Variants in GOLM2 observed in about 807,000 individuals in gnomAD.
The protein encoded by GOLM2 is protein GOLM2.
Under a neutral mutation model 55.9 loss-of-function variants are expected in GOLM2, and 26 were observed. That is an observed-to-expected ratio of 0.47 (90% confidence interval 0.34 to 0.65). GOLM2 has a LOEUF of 0.65. GOLM2 is among the 30% of genes least tolerant of loss of function. The pLI, the probability that GOLM2 is intolerant of heterozygous loss-of-function variation, is 0.01. For synonymous variants in GOLM2, 165 were observed against 194.6 expected (o/e 0.85, Z 1.27); for missense variants, 486 against 531.8 (o/e 0.91, Z 0.85).
At chr15:44,371,843 A>G (rs183811796) in intron 6 of GOLM2, among the ~76,000 whole-genome samples, 6 of 152,308 alleles carry the variant, frequency 3.9e-5, no homozygotes, top group African/African-American at 1.2e-4. Flanking sequence ...GATTTTCTCA[A>G]TCTAAATCTT....
chr15:44,303,100 C>CTCAA (rs1057112975), intron 1 of GOLM2, among the ~76,000 whole-genome samples: 18 of 134,278 alleles, frequency 1.3e-4, no homozygotes, highest in African/African-American at 4.7e-4. Context: ...AATACTCCAT[C>CTCAA]TCAATAAATA....
intron 6 of GOLM2, among the ~76,000 whole-genome samples, chr15:44,372,072 A>C (rs2079332457): frequency 6.6e-6 from 1 of 152,230 alleles, no homozygotes; most frequent in Non-Finnish European, 1.5e-5. Flanking sequence ...AAAGTCATGC[A>C]GTTAATAAAT....
rs370370162 is a variant in GOLM2 at position 44,327,020 on chromosome 15, G to A, written c.383-1665G>A. ...CTAGAGTGCACAGTGGCGTAATCTC[G>A]GCTCACTGTAAGCTCCACCTTCTGA... On this transcript the variant is annotated intron_variant, in intron 2 of 9. Transcript: ENST00000299957. Among the ~76,000 whole-genome samples the A allele has an allele frequency of 4.7e-5, 7 of 148,646 alleles. 1 individual carries two copies. The Admixed American group carries it at 4.7e-4, about 10-fold the overall frequency.
chr15:44,290,280 T>C (rs1251981651), intron 1 of GOLM2, among the ~76,000 whole-genome samples: 1 of 152,368 alleles, frequency 6.6e-6, no homozygotes, highest in African/African-American at 2.4e-5. Context: ...AGTAGAGTTA[T>C]GAAAATTTCT....
At chr15:44,407,909 G>A (rs905141447) in intron 9 of GOLM2, among the ~76,000 whole-genome samples, 1 of 150,854 alleles carries the variant, frequency 6.6e-6, no homozygotes, top group South Asian at 2.1e-4. Context: ...CCACCATCAC[G>A]TCCAGCTGAT....
At chr15:44,388,701 A>G (rs2079465871) in intron 8 of GOLM2, among the ~76,000 whole-genome samples, 1 of 152,178 alleles carries the variant, frequency 6.6e-6, no homozygotes, top group African/African-American at 2.4e-5. Flanking sequence ...AGGGAGAGAG[A>G]CAGGGTCTTG....
At chr15:44,401,320 A>C (rs2079564052) in intron 8 of GOLM2, among the ~76,000 whole-genome samples, 1 of 151,922 alleles carries the variant, frequency 6.6e-6, no homozygotes, top group African/African-American at 2.4e-5. Flanking sequence ...GCTGAAGTAC[A>C]GTGGCAATAT....
At chr15:44,334,785 A>G (rs1254231800) in intron 4 of GOLM2, among the ~76,000 whole-genome samples, 1 of 152,202 alleles carries the variant, frequency 6.6e-6, no homozygotes, top group Non-Finnish European at 1.5e-5. Context: ...TAATCCCACC[A>G]TTTTGGGAGG....
intron 1 of GOLM2, among the ~76,000 whole-genome samples, chr15:44,297,280 C>G (rs895507100): frequency 6.6e-6 from 1 of 152,212 alleles, no homozygotes; most frequent in African/African-American, 2.4e-5. Context: ...GCCTGAACTT[C>G]CTCAAACCTT....
chr15:44,288,759 G>A lies in GOLM2; in HGVS notation c.-271G>A, dbSNP rs921970974. 6.2e-6 allele frequency: 3 copies of A among 485,160 alleles called. No individual in the cohort carries two copies. The highest frequency in any genetic ancestry group is 1.1e-5 in the Non-Finnish European group (3 of 274,996). The allele number at this position is 485,160 out of a possible 1,614,324, so 30.1% of individuals were successfully genotyped here. ...TGAGGTGTTGGGTTTGGGGGACGCT[G>A]GCAGCTGGGTTCTCCCGGTTCCCTT... On this transcript the variant is annotated 5_prime_UTR_variant, in exon 1 of 10. Coordinates refer to ENST00000299957, the MANE Select transcript of GOLM2 (RefSeq NM_138423.4).
intron 9 of GOLM2, chr15:44,405,471 G>A (rs2079591330): frequency 1.3e-5 from 2 of 152,144 alleles, no homozygotes; most frequent in African/African-American, 4.8e-5. Flanking sequence ...GGATAAGTTT[G>A]GGTGAACTGA....
intron 6 of GOLM2, among the ~76,000 whole-genome samples, chr15:44,351,340 GCC>G (rs1175041097): frequency 6.6e-6 from 1 of 152,038 alleles, no homozygotes; most frequent in Non-Finnish European, 1.5e-5. Context: ...ACTTTGGGAG[GCC>G]GAGTTGGGTG....
intron 8 of GOLM2, among the ~76,000 whole-genome samples, chr15:44,400,411 C>T (rs1401162125): frequency 2.0e-5 from 3 of 151,264 alleles, no homozygotes; most frequent in Non-Finnish European, 4.4e-5. Flanking sequence ...CTCCGCCTCC[C>T]GGGTTCCAGT....
chr15:44,344,114 G>A (rs908190731), intron 6 of GOLM2, among the ~76,000 whole-genome samples: 1 of 151,576 alleles, frequency 6.6e-6, no homozygotes, highest in Non-Finnish European at 1.5e-5. Flanking sequence ...AGAAAAATTA[G>A]CCAGTCATGG....
chr15:44,289,426 A>G lies in GOLM2; in HGVS notation c.327+70A>G, dbSNP rs1040027337. On this transcript the variant is annotated intron_variant, in intron 1 of 9. Transcript: ENST00000299957. The surrounding 1 kb of genome is among the most constrained non-coding windows in gnomAD (Gnocchi z 4.8). The stretch of plus-strand genomic sequence containing the variant: ...CCCCGGGGTCTGGGGCGGGATGTTA[A>G]TCCGCTAGCTGTTGTCTTATGCCTT... The G allele has an allele frequency of 6.5e-6, 9 of 1,375,674 alleles. No individual in the cohort carries two copies. The highest frequency in any genetic ancestry group is 8.9e-6 in the Non-Finnish European group (9 of 1,009,910). 85.2% of individuals were successfully genotyped at this position (1,375,674 alleles called of 1,614,324 possible).
intron 6 of GOLM2, among the ~76,000 whole-genome samples, chr15:44,360,796 G>A (rs372328464): frequency 6.6e-6 from 1 of 152,072 alleles, no homozygotes; most frequent in South Asian, 2.1e-4. Context: ...TGACCACATA[G>A]TTGGAAGTAA....
At chr15:44,347,440 T>C (rs1382181321) in intron 6 of GOLM2, among the ~76,000 whole-genome samples, 5 of 152,150 alleles carry the variant, frequency 3.3e-5, no homozygotes, top group Admixed American at 3.3e-4. Context: ...TGTGAGACTT[T>C]GCACTGGAAC....
At chr15:44,361,937 A>G (rs1381560610) in intron 6 of GOLM2, among the ~76,000 whole-genome samples, 2 of 152,218 alleles carry the variant, frequency 1.3e-5, no homozygotes, top group African/African-American at 2.4e-5. Context: ...AGCCAAAGAC[A>G]AAAACCACGT....
chr15:44,326,088 C>G (rs1004264621), intron 2 of GOLM2, among the ~76,000 whole-genome samples: 1 of 151,564 alleles, frequency 6.6e-6, no homozygotes, highest in African/African-American at 2.4e-5. Context: ...ACAGTGAAAC[C>G]CTGTCTCTAC....
Sources: gnomAD v4.1 joint callset for allele counts (sites outside exome capture counted in the v4.1 genomes callset) on GRCh38, gnomAD v4.1.1 for gene constraint, Gnocchi (gnomAD v3.1) non-coding constraint, MANE v1.5 for transcripts, NCBI Gene and HGNC (gene_info 2026-07-23, HGNC 2026-07-21) for gene names.